The following RBMS1 variants were observed in gnomAD, a reference collection of about 807,000 sequenced individuals.
RBMS1 encodes RNA binding motif single stranded interacting protein 1.
In RBMS1, 17 loss-of-function variants were observed where a neutral mutation model predicts 62.3. The observed-to-expected ratio is 0.27, with a 90% confidence interval of 0.19 to 0.41. RBMS1 has a LOEUF of 0.41. RBMS1 is among the 10% of genes least tolerant of loss of function. The pLI is 1.00. For synonymous variants in RBMS1, 172 were observed against 170.0 expected, an observed-to-expected ratio of 1.01 and a Z score of -0.09; for missense variants, 334 against 504.5, an observed-to-expected ratio of 0.66 and a Z score of 3.24.
intron 3 of RBMS1, among the ~76,000 whole-genome samples, chr2:160,315,545 T>C (rs1242606434): frequency 6.6e-6 from 1 of 152,242 alleles, no homozygotes; most frequent in Non-Finnish European, 1.5e-5. Flanking sequence ...TTTCTATTTT[T>C]GCCTTGGCCA....
At chr2:160,352,126 A>T (rs1237995944) in intron 2 of RBMS1, among the ~76,000 whole-genome samples, 2 of 152,134 alleles carry the variant, frequency 1.3e-5, no homozygotes, top group Non-Finnish European at 2.9e-5. Flanking sequence ...CAACATTACG[A>T]AATTGAGTAT....
intron 1 of RBMS1, among the ~76,000 whole-genome samples, chr2:160,417,758 A>G (rs1031541805): frequency 6.6e-6 from 1 of 152,248 alleles, no homozygotes; most frequent in Non-Finnish European, 1.5e-5. Context: ...ATGCAAATGC[A>G]TATCCATGTC....
chr2:160,381,440 G>A (rs1253753829), intron 1 of RBMS1, among the ~76,000 whole-genome samples: 7 of 152,112 alleles, frequency 4.6e-5, no homozygotes, highest in Admixed American at 2.6e-4. Flanking sequence ...TAAGTGTTAC[G>A]CATAATACTA....
At chr2:160,303,092 G>T (rs945605734) in intron 5 of RBMS1, among the ~76,000 whole-genome samples, 1 of 152,184 alleles carries the variant, frequency 6.6e-6, no homozygotes, top group African/African-American at 2.4e-5. Flanking sequence ...TTTTGCTCAT[G>T]TGATAGTTCC....
intron 1 of RBMS1, among the ~76,000 whole-genome samples, chr2:160,430,203 C>T (rs1330125106): frequency 6.6e-6 from 1 of 152,142 alleles, no homozygotes; most frequent in Non-Finnish European, 1.5e-5. Context: ...CCAGCTGATC[C>T]CAGCCAACCC....
intron 1 of RBMS1, among the ~76,000 whole-genome samples, chr2:160,461,076 A>G (rs1434381912): frequency 6.6e-6 from 1 of 152,212 alleles, no homozygotes; most frequent in Non-Finnish European, 1.5e-5. Flanking sequence ...CTGGGCACAC[A>G]GCAAGACCCC....
chr2:160,411,758 G>A (rs1696047061), intron 1 of RBMS1, among the ~76,000 whole-genome samples: 1 of 152,180 alleles, frequency 6.6e-6, no homozygotes, highest in Non-Finnish European at 1.5e-5. Flanking sequence ...TTTTATCATG[G>A]TGATGCCTAG....
At chr2:160,479,788 T>C (rs554804493) in intron 1 of RBMS1, among the ~76,000 whole-genome samples, 1 of 152,342 alleles carries the variant, frequency 6.6e-6, no homozygotes, top group East Asian at 1.9e-4. Flanking sequence ...TCTGTGATTC[T>C]TGGATGTTAT....
At chr2:160,316,637 G>A (rs1210413419) in intron 3 of RBMS1, among the ~76,000 whole-genome samples, 1 of 152,166 alleles carries the variant, frequency 6.6e-6, no homozygotes, top group Non-Finnish European at 1.5e-5. Context: ...GGAGCAGAGT[G>A]TAAAATAGTG....
intron 1 of RBMS1, among the ~76,000 whole-genome samples, chr2:160,423,525 T>C (rs1268471587): frequency 1.3e-5 from 2 of 152,154 alleles, no homozygotes; most frequent in East Asian, 3.8e-4. Flanking sequence ...GGCTTCTGAC[T>C]CCCACTTGTC....
Position 160,275,733 on chromosome 2 carries a change from A to G in RBMS1, c.1144-19T>C. 6.2e-7 allele frequency: 1 copy of G among 1,613,538 alleles called. No homozygotes were observed. Among genetic ancestry groups the G allele is most frequent in the Non-Finnish European group, 8.5e-7 (1 of 1,179,554 alleles). On this transcript the variant is annotated intron_variant, in intron 12 of 13. Coordinates refer to ENST00000348849, the MANE Select transcript of RBMS1 (RefSeq NM_016836.4). Reference sequence around the variant, plus strand: ...TTGCCTCCTACAACAAACAAAGCAGAATGGATGAGACATGTTAGTGAAAAA... The same window carrying G: ...TTGCCTCCTACAACAAACAAAGCAGGATGGATGAGACATGTTAGTGAAAAA...
intron 2 of RBMS1, among the ~76,000 whole-genome samples, chr2:160,338,253 C>T (rs1325044468): frequency 6.6e-6 from 1 of 152,078 alleles, no homozygotes; most frequent in African/African-American, 2.4e-5. Flanking sequence ...TAGGGCAGTT[C>T]TTAATATGAA....
At chr2:160,345,366 T>C (rs1692118445) in intron 2 of RBMS1, among the ~76,000 whole-genome samples, 1 of 152,122 alleles carries the variant, frequency 6.6e-6, no homozygotes, top group Admixed American at 6.6e-5. Context: ...ACGGGGAGGC[T>C]AGTAGTGTTT....
chr2:160,471,197 T>G (rs973705655), intron 1 of RBMS1, among the ~76,000 whole-genome samples: 1 of 152,178 alleles, frequency 6.6e-6, no homozygotes, highest in East Asian at 1.9e-4. Context: ...GGGCAATAAA[T>G]GCTGGGCAGG....
At chr2:160,431,217 G>C (rs749757418) in intron 1 of RBMS1, among the ~76,000 whole-genome samples, 1 of 149,174 alleles carries the variant, frequency 6.7e-6, no homozygotes, top group Non-Finnish European at 1.5e-5. Flanking sequence ...CTGAAAATCT[G>C]CTAGAAATCA....
chr2:160,351,135 T>C (rs1486997408), intron 2 of RBMS1, among the ~76,000 whole-genome samples: 1 of 145,972 alleles, frequency 6.9e-6, no homozygotes, highest in Non-Finnish European at 1.5e-5. Flanking sequence ...ATGAGAACAC[T>C]TGGACACAGG....
chr2:160,472,138 C>A (rs1684946583), intron 1 of RBMS1, among the ~76,000 whole-genome samples: 2 of 152,052 alleles, frequency 1.3e-5, no homozygotes, highest in Admixed American at 1.3e-4. Flanking sequence ...CTAAATTGAG[C>A]CCAAATCTTC....
chr2:160,314,981 G>C (rs1690131609), intron 3 of RBMS1, among the ~76,000 whole-genome samples: 1 of 152,104 alleles, frequency 6.6e-6, no homozygotes, highest in African/African-American at 2.4e-5. Flanking sequence ...CAGCTACAAT[G>C]AAATGATACA....
At chr2:160,391,573 T>C (rs1694867196) in intron 1 of RBMS1, among the ~76,000 whole-genome samples, 1 of 152,148 alleles carries the variant, frequency 6.6e-6, no homozygotes, top group African/African-American at 2.4e-5. Flanking sequence ...AAAATATTTT[T>C]AAAAGAAAAA....
Sources: gnomAD v4.1 joint callset for allele counts (sites outside exome capture counted in the v4.1 genomes callset) on GRCh38, gnomAD v4.1.1 for gene constraint, MANE v1.5 for transcripts, NCBI Gene and HGNC (gene_info 2026-07-23, HGNC 2026-07-21) for gene names.